Variants in PGM2 observed in about 807,000 individuals in gnomAD.
PGM2 encodes the protein phosphoglucomutase 2, also known as phosphopentomutase.
A neutral mutation model predicts 74.6 loss-of-function variants in PGM2; 57 were observed. The ratio of observed to expected loss-of-function variants is 0.76; its 90% CI spans 0.62 to 0.95. The LOEUF is 0.95. PGM2 is among the 40% of genes least tolerant of loss of function. PGM2 has a pLI of 0.00. For missense variants in PGM2, 706 were observed against 741.9 expected, an observed-to-expected ratio of 0.95 and a Z score of 0.56; for synonymous variants, 273 against 260.7, an observed-to-expected ratio of 1.05 and a Z score of -0.46.
intron 12 of PGM2, among the ~76,000 whole-genome samples, chr4:37,855,080 A>G (rs1461948614): frequency 2.0e-5 from 3 of 152,220 alleles, no homozygotes; most frequent in Non-Finnish European, 4.4e-5. Context: ...CAAGTATACA[A>G]TGCATCATTA....
chr4:37,858,659 G>C (rs111513702), intron 13 of PGM2, among the ~76,000 whole-genome samples: 123 of 151,838 alleles, frequency 8.1e-4, no homozygotes, highest in Admixed American at 2.8e-3. Flanking sequence ...TAGCAATAAT[G>C]TCTTCACTAA....
At chr4:37,836,601 G>A (rs1239856057) in intron 3 of PGM2, among the ~76,000 whole-genome samples, 1 of 152,146 alleles carries the variant, frequency 6.6e-6, no homozygotes, top group Non-Finnish European at 1.5e-5. Context: ...GAATAGTGTC[G>A]GCGAAGCTAG....
chr4:37,841,100 A>ATATG (rs1202149456), intron 6 of PGM2, among the ~76,000 whole-genome samples: 49 of 115,750 alleles, frequency 4.2e-4, no homozygotes, highest in South Asian at 2.7e-3. Context: ...ATATATATAT[A>ATATG]TGTGTGTGTG....
In PGM2 at chr4:37,856,315, G is replaced by A. The variant is rs576598491; in HGVS notation, c.1736+574G>A. ...CAGGAGAATGGTGTGAACCTGGTAGGCGGAGCTTGCAGTGAGCCGAGACTG... is the reference window on the plus strand; with the variant it reads ...CAGGAGAATGGTGTGAACCTGGTAGACGGAGCTTGCAGTGAGCCGAGACTG... On this transcript the variant is annotated intron_variant, in intron 13 of 13. Transcript: ENST00000381967. 3.7e-3 allele frequency among the ~76,000 whole-genome samples: 560 copies of A among 152,230 alleles called. 3 individuals carry two copies. The highest frequency in any genetic ancestry group is 4.0e-3 in the Non-Finnish European group (272 of 68,026).
chr4:37,829,438 A>C (rs771126325), intron 1 of PGM2, among the ~76,000 whole-genome samples: 12 of 151,722 alleles, frequency 7.9e-5, no homozygotes, highest in Non-Finnish European at 1.8e-4. Context: ...TACAAAAGTA[A>C]GGTTTTGACT....
rs945181437 is a variant in PGM2, at chr4:37,844,374, A to G, written c.730A>G (p.Arg244Gly). 1 of 1,606,554 alleles carries G rather than the reference A, an allele frequency of 6.2e-7. No homozygotes were observed. The highest frequency in any genetic ancestry group is 1.7e-5 in the Admixed American group (1 of 58,726). Residue 244 changes from arginine to glycine, a missense_variant, in exon 7 of 14, where the codon AGG (arginine) becomes GGG (glycine). This residue lies in a region of PGM2 where 332 missense variants were observed against 334.9 expected (regional missense o/e 0.99). Transcript: ENST00000381967. ...KKYCFHRSVN[R>G]ETKVKFVHTS... is the part of the protein sequence containing the mutation. Reference sequence around the variant, plus strand: ...TGTATCTGATTCTAGGAGCGTGAACAGGGAGACAAAGGTGAAGTTTGTGCA... The same window carrying G: ...TGTATCTGATTCTAGGAGCGTGAACGGGGAGACAAAGGTGAAGTTTGTGCA...
At chr4:37,859,633 C>T (rs1267989448) in intron 13 of PGM2, among the ~76,000 whole-genome samples, 2 of 152,158 alleles carry the variant, frequency 1.3e-5, no homozygotes, top group East Asian at 3.8e-4. Context: ...TTCACAGCAT[C>T]ACAACATTAG....
intron 10 of PGM2, 97 bp from the exon 11 acceptor site, chr4:37,848,425 C>T: frequency 9.4e-7 from 1 of 1,068,740 alleles, no homozygotes; most frequent in Non-Finnish European, 1.4e-6. Context: ...ATACACGCAA[C>T]ACTGTACAAC....
At chr4:37,836,451 T>C (rs1725568634) in intron 3 of PGM2, among the ~76,000 whole-genome samples, 1 of 152,238 alleles carries the variant, frequency 6.6e-6, no homozygotes. Context: ...TATCCTTTAA[T>C]CTTCCAATTT....
chr4:37,862,007 A>T lies in PGM2; in HGVS notation c.*395A>T, dbSNP rs1361130819. ...TGGAGTTAGTAAATTCTGGGCTGTC[A>T]TATGTAGGATAGCCACTTTTTAGGT... On this transcript the variant is annotated 3_prime_UTR_variant, in exon 14 of 14. Coordinates refer to ENST00000381967, the MANE Select transcript of PGM2 (RefSeq NM_018290.4). 1 of 160,758 alleles carries T rather than the reference A, an allele frequency of 6.2e-6. No homozygotes were observed. The highest frequency in any genetic ancestry group is 1.7e-4 in the East Asian group (1 of 5,946). 10.0% of individuals were successfully genotyped at this position (160,758 alleles called of 1,614,324 possible). A position where few individuals can be genotyped will look rare whatever the true frequency, so the allele number is the denominator to read the frequency against.
Position 37,826,740 on chromosome 4 carries a change from C to T in PGM2, c.8C>T (p.Ala3Val). The change falls in exon 1 of 14, where the codon GCT (alanine) becomes GTT (valine). Residue 3 changes from alanine to valine, a missense_variant. This residue lies in a region of PGM2 where 332 missense variants were observed against 334.9 expected (regional missense o/e 0.99). Coordinates refer to ENST00000381967, the MANE Select transcript of PGM2 (RefSeq NM_018290.4). MA[A>V]PEGSGLGEDA... ...GGTAGCACAAGCTCAGCGATGGCGG[C>T]TCCAGAAGGCAGCGGTCTAGGCGAG... is the stretch of plus-strand genomic sequence containing the variant. The T allele has an allele frequency of 1.9e-6, 3 of 1,549,914 alleles. No homozygotes were observed. In the East Asian group the frequency reaches 7.3e-5, roughly 38 times the overall value.
At chr4:37,855,387 T>G (rs1049745306) in intron 12 of PGM2, among the ~76,000 whole-genome samples, 1 of 152,226 alleles carries the variant, frequency 6.6e-6, no homozygotes, top group African/African-American at 2.4e-5. Context: ...TCCTTCTCTT[T>G]TAAGGCTGAA....
intron 1 of PGM2, 121 bp downstream of exon 1, chr4:37,826,934 C>T (rs1725308131): frequency 3.2e-6 from 2 of 632,216 alleles, no homozygotes; most frequent in African/African-American, 3.9e-5. Flanking sequence ...CGCTTCTCCC[C>T]CGGGAAGACC....
intron 13 of PGM2, among the ~76,000 whole-genome samples, chr4:37,858,423 G>A (rs1711627770): frequency 6.6e-6 from 1 of 151,502 alleles, no homozygotes; most frequent in Non-Finnish European, 1.5e-5. Flanking sequence ...TGCAACCTCT[G>A]CCTCCTGGGT....
intron 1 of PGM2, among the ~76,000 whole-genome samples, chr4:37,828,943 C>A (rs1725368054): frequency 6.6e-6 from 1 of 152,184 alleles, no homozygotes; most frequent in Non-Finnish European, 1.5e-5. Context: ...TTGAATCTGC[C>A]ACAATCTGGA....
chr4:37,851,234 C>A (rs1726031552), intron 12 of PGM2, among the ~76,000 whole-genome samples: 1 of 152,170 alleles, frequency 6.6e-6, no homozygotes. Flanking sequence ...GGAGCCCACA[C>A]CTGGACTTTC....
chr4:37,853,860 A>G (rs972998865), intron 12 of PGM2, among the ~76,000 whole-genome samples: 18 of 152,154 alleles, frequency 1.2e-4, no homozygotes, highest in African/African-American at 4.3e-4. Context: ...AGAGAATTTA[A>G]ACCATCTCCT....
chr4:37,840,624 A>T (rs1379189518), intron 6 of PGM2, among the ~76,000 whole-genome samples: 1 of 152,130 alleles, frequency 6.6e-6, no homozygotes, highest in Admixed American at 6.6e-5. Flanking sequence ...GCCTCAAGTG[A>T]TCCACCCACC....
intron 4 of PGM2, among the ~76,000 whole-genome samples, chr4:37,838,095 A>G (rs1725616980): frequency 6.6e-6 from 1 of 152,100 alleles, no homozygotes; most frequent in East Asian, 1.9e-4. Flanking sequence ...TGGCCACGCT[A>G]GTCTCGAACT....
Sources: gnomAD v4.1 joint callset for allele counts (sites outside exome capture counted in the v4.1 genomes callset) on GRCh38, gnomAD v4.1.1 for gene constraint, gnomAD v4.1.1 regional missense constraint, MANE v1.5 for transcripts, NCBI Gene and HGNC (gene_info 2026-07-23, HGNC 2026-07-21) for gene names.